Variants in SGCZ observed in about 807,000 individuals in gnomAD.
The protein encoded by SGCZ is zeta-sarcoglycan.
Under a neutral mutation model 41.3 loss-of-function variants are expected in SGCZ, and 40 were observed. The ratio of observed to expected loss-of-function variants is 0.97; its 90% CI spans 0.75 to 1.26. SGCZ has a LOEUF of 1.26. Among genes scored for constraint, SGCZ ranks in the 50% most tolerant of loss-of-function variants. The pLI, the probability that SGCZ is intolerant of heterozygous loss-of-function variation, is 0.00. For missense variants in SGCZ, 552 were observed against 369.8 expected, an observed-to-expected ratio of 1.49 and a Z score of -4.04; for synonymous variants, 206 against 137.5, an observed-to-expected ratio of 1.50 and a Z score of -3.49.
chr8:14,317,720 A>G (rs1801764711), intron 3 of SGCZ, among the ~76,000 whole-genome samples: 1 of 151,952 alleles, frequency 6.6e-6, no homozygotes, highest in Non-Finnish European at 1.5e-5. Context: ...AGGGGACTCA[A>G]TACTGTCAGG....
At chr8:14,738,052 C>A (rs149199769) in intron 1 of SGCZ, among the ~76,000 whole-genome samples, 2,158 of 152,142 alleles carry the variant, frequency 0.014, 29 homozygotes, top group Middle Eastern at 0.02. Context: ...ACATATAAAT[C>A]CTGGCGTTCG....
chr8:15,216,223 C>CTTTTTTTTTTT (rs34383864), intron 1 of SGCZ, among the ~76,000 whole-genome samples: 31 of 125,900 alleles, frequency 2.5e-4, no homozygotes, highest in Non-Finnish European at 3.6e-4. Context: ...CTTTTTTTTT[C>CTTTTTTTTTTT]TTTTTTTTTT....
chr8:14,799,974 A>T (rs551651980), intron 1 of SGCZ, among the ~76,000 whole-genome samples: 34 of 152,338 alleles, frequency 2.2e-4, no homozygotes, highest in African/African-American at 8.2e-4. Flanking sequence ...GTATTTTCTT[A>T]AAACAATTCA....
chr8:14,111,995 A>C (rs961101891), intron 5 of SGCZ, among the ~76,000 whole-genome samples: 4 of 152,160 alleles, frequency 2.6e-5, no homozygotes, highest in Admixed American at 2.0e-4. Flanking sequence ...TATAAATGTT[A>C]TATCCTACGC....
chr8:14,851,482 T>A (rs2130654705), intron 1 of SGCZ, among the ~76,000 whole-genome samples: 1 of 152,114 alleles, frequency 6.6e-6, no homozygotes, highest in South Asian at 2.1e-4. Flanking sequence ...TAACTTTGGC[T>A]TCCTGCAATA....
chr8:14,499,789 C>CT (rs1317719775), intron 2 of SGCZ, among the ~76,000 whole-genome samples: 1 of 101,078 alleles, frequency 9.9e-6, no homozygotes, highest in Non-Finnish European at 2.7e-5. Context: ...CAACTGCCTT[C>CT]CTTTGGCATC....
intron 1 of SGCZ, among the ~76,000 whole-genome samples, chr8:14,637,437 A>C (rs1588436): frequency 0.46 from 69,328 of 151,404 alleles, 16,198 homozygotes; most frequent in East Asian, 0.68. Flanking sequence ...AACATAGTAC[A>C]GAATAGGCGA....
At chr8:14,199,684 T>A (rs1197733260) in intron 4 of SGCZ, among the ~76,000 whole-genome samples, 1 of 152,156 alleles carries the variant, frequency 6.6e-6, no homozygotes, top group African/African-American at 2.4e-5. Context: ...TTTCTCAGAC[T>A]GGCCAAAGCT....
At chr8:15,179,901 G>A (rs1207396178) in intron 1 of SGCZ, among the ~76,000 whole-genome samples, 1 of 152,134 alleles carries the variant, frequency 6.6e-6, no homozygotes, top group East Asian at 1.9e-4. Context: ...ACAACAACCT[G>A]CAAGGAACTA....
intron 1 of SGCZ, among the ~76,000 whole-genome samples, chr8:15,032,509 G>T (rs1041818124): frequency 3.9e-5 from 6 of 152,052 alleles, no homozygotes; most frequent in African/African-American, 1.4e-4. Flanking sequence ...ATGCCAGGCT[G>T]GGACTTATGG....
At chr8:14,667,686 T>A (rs1048432123) in intron 1 of SGCZ, among the ~76,000 whole-genome samples, 9 of 152,180 alleles carry the variant, frequency 5.9e-5, no homozygotes, top group African/African-American at 2.2e-4. Context: ...TATTTTGAAT[T>A]ACCATCACTA....
intron 2 of SGCZ, among the ~76,000 whole-genome samples, chr8:14,488,148 ACTT>A (rs770390417): frequency 1.2e-4 from 16 of 134,728 alleles, no homozygotes; most frequent in South Asian, 2.3e-4. Flanking sequence ...TCCCCTTTTA[ACTT>A]CTTCTGGTCC....
intron 1 of SGCZ, among the ~76,000 whole-genome samples, chr8:14,847,508 T>TAAA (rs57126601): frequency 2.0e-5 from 3 of 149,148 alleles, no homozygotes; most frequent in Non-Finnish European, 4.5e-5. Flanking sequence ...TATTAACAAG[T>TAAA]AAAAAAAAAG....
In SGCZ at chr8:14,249,039, G is replaced by C. The variant is rs370157625; in HGVS notation, c.337-11360C>G. Reference sequence around the variant, plus strand: ...TTTGTGTCAGTTAGACTGGAGATGGGTGTCCAAATATTTGGTGAAACATTA... The same window carrying C: ...TTTGTGTCAGTTAGACTGGAGATGGCTGTCCAAATATTTGGTGAAACATTA... On this transcript the variant is annotated intron_variant, in intron 3 of 7. Coordinates refer to ENST00000382080, the MANE Select transcript of SGCZ (RefSeq NM_139167.4). 4.6e-5 allele frequency among the ~76,000 whole-genome samples: 7 copies of C among 152,288 alleles called. No homozygotes were observed. The South Asian group carries it at 8.3e-4, about 18-fold the overall frequency.
intron 1 of SGCZ, among the ~76,000 whole-genome samples, chr8:14,774,316 T>C (rs1220806445): frequency 3.3e-5 from 5 of 152,220 alleles, no homozygotes; most frequent in African/African-American, 1.2e-4. Flanking sequence ...TATAATTGCA[T>C]CAGCCAATTT....
intron 1 of SGCZ, among the ~76,000 whole-genome samples, chr8:14,756,900 G>A (rs1429095842): frequency 6.6e-6 from 1 of 152,048 alleles, no homozygotes; most frequent in Admixed American, 6.6e-5. Flanking sequence ...ACACTCTAAC[G>A]AAATGAAAGA....
In SGCZ at chr8:14,927,264, A is replaced by G. The variant is rs538984377; in HGVS notation, c.39+310321T>C. On this transcript the variant is annotated intron_variant, in intron 1 of 7. Coordinates refer to ENST00000382080, the MANE Select transcript of SGCZ (RefSeq NM_139167.4). ...GCTGGGACTACAGGCGTCCGCCACC[A>G]CGCCCGCCTAATTTTTTTCTATATT... Among the ~76,000 whole-genome samples the G allele has an allele frequency of 4.5e-3, 689 of 151,718 alleles. 11 individuals are homozygous for G. Among genetic ancestry groups the G allele is most frequent in the African/African-American group, 0.016 (651 of 41,350 alleles).
At position 14,324,139 on chromosome 8, in the gene SGCZ, T is replaced by C. The variant is rs748898153; in HGVS notation, c.300A>G (p.Leu100=). ...GIRLEGISEF[L]LPLYVKEIHS... ...GAATTTCTTTCACATACAATGGAAG[T>C]AGAAACTCAGATATACCTTCAAGTC... Residue 100 remains leucine (L), a synonymous_variant, in exon 3 of 8, where the codon CTA becomes CTG. Transcript: ENST00000382080. 1.2e-6 allele frequency: 2 copies of C among 1,613,012 alleles called. No homozygotes were observed. The highest frequency in any genetic ancestry group is 1.1e-5 in the South Asian group (1 of 91,060).
At chr8:14,645,111 C>A (rs1164669665) in intron 1 of SGCZ, among the ~76,000 whole-genome samples, 1 of 151,484 alleles carries the variant, frequency 6.6e-6, no homozygotes, top group African/African-American at 2.4e-5. Context: ...AGTTTGAAAA[C>A]CATTGATCTA....
Sources: gnomAD v4.1 joint callset for allele counts (sites outside exome capture counted in the v4.1 genomes callset) on GRCh38, gnomAD v4.1.1 for gene constraint, MANE v1.5 for transcripts, NCBI Gene and HGNC (gene_info 2026-07-23, HGNC 2026-07-21) for gene names.